PTH2R: variants seen among roughly 807,000 people sequenced by gnomAD.
PTH2R encodes the protein PTH2 receptor.
A neutral mutation model predicts 60.3 loss-of-function variants in PTH2R; 59 were observed. The observed-to-expected ratio is 0.98, with a 90% CI of 0.79 to 1.22. The LOEUF (loss-of-function observed/expected upper bound fraction) is 1.22, where lower values mean the gene tolerates loss of function less well. Ranked by LOEUF, PTH2R falls within the 50% of genes most tolerant of loss-of-function variation. The pLI is 0.00. For synonymous variants in PTH2R, 256 were observed against 243.8 expected (o/e 1.05, Z -0.47); for missense variants, 749 against 682.6 (o/e 1.10, Z -1.08).
rs150439512 is a variant in PTH2R at position 208,422,525 on chromosome 2, T to G, written c.76-5676T>G. ...AGTAGACTTCACTTTAGGAAAGATATATTTTTGTAAAGCTATAAAATAATC... is the reference window on the plus strand; with the variant it reads ...AGTAGACTTCACTTTAGGAAAGATAGATTTTTGTAAAGCTATAAAATAATC... On this transcript the variant is annotated intron_variant, in intron 1 of 12. Coordinates refer to ENST00000272847, the MANE Select transcript of PTH2R (RefSeq NM_005048.4). Among the ~76,000 whole-genome samples the G allele has an allele frequency of 4.5e-3, 691 of 152,350 alleles. 6 individuals carry two copies. Among genetic ancestry groups the G allele is most frequent in the Middle Eastern group, 0.044 (13 of 294 alleles).
chr2:208,368,295 T>C (rs1265830867), intron 1 of PTH2R, among the ~76,000 whole-genome samples: 1 of 152,204 alleles, frequency 6.6e-6, no homozygotes, highest in African/African-American at 2.4e-5. Flanking sequence ...CCATAACATA[T>C]TTCTCATGTC....
intron 2 of PTH2R, among the ~76,000 whole-genome samples, chr2:208,428,911 C>T (rs1701913946): frequency 6.6e-6 from 1 of 151,988 alleles, no homozygotes; most frequent in South Asian, 2.1e-4. Context: ...ATGGTGAAAC[C>T]CTATCTCTAC....
intron 1 of PTH2R, among the ~76,000 whole-genome samples, chr2:208,375,652 C>A (rs1211376386): frequency 6.6e-6 from 1 of 152,108 alleles, no homozygotes; most frequent in Admixed American, 6.5e-5. Flanking sequence ...TGTACCAGAG[C>A]CCAGCAGCCT....
chr2:208,484,792 G>A (rs902150153), intron 10 of PTH2R, among the ~76,000 whole-genome samples: 2 of 152,132 alleles, frequency 1.3e-5, no homozygotes, highest in African/African-American at 4.8e-5. Context: ...ATCACTTACT[G>A]CATCACACTG....
intron 1 of PTH2R, among the ~76,000 whole-genome samples, chr2:208,371,365 G>GT (rs1700697694): frequency 6.6e-6 from 1 of 152,098 alleles, no homozygotes; most frequent in Admixed American, 6.5e-5. Flanking sequence ...GTTTACAAAC[G>GT]TGACGTTAAA....
At chr2:208,383,941 G>A (rs1046179186) in intron 1 of PTH2R, among the ~76,000 whole-genome samples, 14 of 152,188 alleles carry the variant, frequency 9.2e-5, no homozygotes, top group African/African-American at 2.4e-4. Context: ...AGAACAGTCC[G>A]GGAGGAGTGA....
In PTH2R at chr2:208,493,539, G is replaced by A. The variant is rs971170356; in HGVS notation, c.1533G>A (p.Glu511=). The change falls in exon 13 of 13, where the codon GAG becomes GAA. Residue 511 remains glutamate (E), a synonymous_variant. Transcript: ENST00000272847. ...EQDCLPHSFH[E]ETKEDSGRQG... ...ACTGCCTGCCACACTCTTTCCACGA[G>A]GAGACCAAGGAAGATAGTGGGAGGC... The A allele has an allele frequency of 1.9e-6, 3 of 1,613,874 alleles. No homozygotes were observed. Among genetic ancestry groups the A allele is most frequent in the Non-Finnish European group, 2.5e-6 (3 of 1,179,904 alleles).
intron 1 of PTH2R, among the ~76,000 whole-genome samples, chr2:208,394,959 A>C (rs923994598): frequency 1.3e-5 from 2 of 152,142 alleles, no homozygotes; most frequent in Non-Finnish European, 2.9e-5. Flanking sequence ...AACGAGACTA[A>C]AATCTGGCTG....
intron 8 of PTH2R, among the ~76,000 whole-genome samples, chr2:208,459,684 A>G (rs565528582): frequency 2.6e-5 from 4 of 152,232 alleles, no homozygotes; most frequent in Admixed American, 6.5e-5. Context: ...TTCTCTACTC[A>G]TCTTCAAGGG....
chr2:208,386,171 CTCA>C (rs1362744424), intron 1 of PTH2R, among the ~76,000 whole-genome samples: 5 of 152,186 alleles, frequency 3.3e-5, no homozygotes, highest in African/African-American at 1.2e-4. Flanking sequence ...TAGACTTGTG[CTCA>C]TCATCATACT....
chr2:208,374,121 A>C (rs933417539), intron 1 of PTH2R, among the ~76,000 whole-genome samples: 13 of 151,000 alleles, frequency 8.6e-5, no homozygotes, highest in African/African-American at 3.2e-4. Flanking sequence ...TTTTTTGACT[A>C]TCAAAATACT....
intron 10 of PTH2R, among the ~76,000 whole-genome samples, chr2:208,484,912 A>G (rs909488894): frequency 6.6e-6 from 1 of 152,180 alleles, no homozygotes; most frequent in African/African-American, 2.4e-5. Flanking sequence ...GGGATGTAAC[A>G]GGAGCATGGT....
intron 1 of PTH2R, among the ~76,000 whole-genome samples, chr2:208,422,231 C>T (rs955121557): frequency 2.6e-5 from 4 of 152,126 alleles, no homozygotes; most frequent in Non-Finnish European, 4.4e-5. Flanking sequence ...TAGATGAGGC[C>T]CAGTTACATT....
Position 208,444,839 on chromosome 2 carries a change from T to C in PTH2R, c.805T>C (p.Phe269Leu). 1 of 1,613,956 alleles carries C rather than the reference T, an allele frequency of 6.2e-7. No individual in the cohort carries two copies. Among genetic ancestry groups the C allele is most frequent in the Non-Finnish European group, 8.5e-7 (1 of 1,179,886 alleles). ...LYLHNLIFVAFFSDTKYLWGF... is the reference protein window; with the variant it reads ...LYLHNLIFVALFSDTKYLWGF... ...CCTGCATAATCTCATCTTTGTGGCT[T>C]TCTTTTCGGACACCAAATACCTGTG... Residue 269 changes from phenylalanine to leucine, a missense_variant, in exon 7 of 13, where the codon TTC becomes CTC. Physicochemically the swap from Phe to Leu is conservative, Grantham distance 22 (BLOSUM62 0). Transcript: ENST00000272847.
At chr2:208,467,074 G>T (rs941545356) in intron 9 of PTH2R, among the ~76,000 whole-genome samples, 5 of 151,944 alleles carry the variant, frequency 3.3e-5, no homozygotes, top group Non-Finnish European at 5.9e-5. Context: ...CTAGCTTTTG[G>T]CATCTGTCCC....
At chr2:208,391,000 T>C (rs1701099056) in intron 1 of PTH2R, among the ~76,000 whole-genome samples, 1 of 152,192 alleles carries the variant, frequency 6.6e-6, no homozygotes, top group Admixed American at 6.5e-5. Context: ...GAGTGTGATG[T>C]ATCCAGAATT....
intron 1 of PTH2R, among the ~76,000 whole-genome samples, chr2:208,401,619 C>T (rs552730606): frequency 6.6e-6 from 1 of 152,190 alleles, no homozygotes; most frequent in East Asian, 1.9e-4. Context: ...TGCAGCACAC[C>T]TGCTGTTTTA....
At chr2:208,430,267 TA>T (rs2105857189) in intron 2 of PTH2R, among the ~76,000 whole-genome samples, 1 of 152,234 alleles carries the variant, frequency 6.6e-6, no homozygotes, top group South Asian at 2.1e-4. Flanking sequence ...TTTATGTTAT[TA>T]TAATTTTTCT....
chr2:208,408,465 C>A (rs1241787438), intron 1 of PTH2R, among the ~76,000 whole-genome samples: 1 of 151,836 alleles, frequency 6.6e-6, no homozygotes, highest in African/African-American at 2.4e-5. Flanking sequence ...GAACTCTAAC[C>A]GTTTATTTTA....
Sources: gnomAD v4.1 joint callset for allele counts (sites outside exome capture counted in the v4.1 genomes callset) on GRCh38, gnomAD v4.1.1 for gene constraint, MANE v1.5 for transcripts, NCBI Gene and HGNC (gene_info 2026-07-23, HGNC 2026-07-21) for gene names.